Variants in ZNF469 observed in about 807,000 individuals in gnomAD.
ZNF469 encodes zinc finger protein 469.
Under a neutral mutation model 1.0 loss-of-function variants are expected in ZNF469, and 1 was observed. That is an observed-to-expected ratio of 1.00 (90% confidence interval 0.35 to 4.73). The LOEUF is 4.73. Among genes scored for constraint, ZNF469 ranks in the 30% most tolerant of loss-of-function variants. ZNF469 has a pLI of 0.16. For missense variants in ZNF469, 6,100 were observed against 5,356.3 expected, an observed-to-expected ratio of 1.14 and a Z score of -4.33; for synonymous variants, 2,703 against 2,363.4, an observed-to-expected ratio of 1.14 and a Z score of -4.17.
At chr16:88,155,809 C>T in the ZNF469 span, among the ~76,000 whole-genome samples, 4 of 152,160 alleles carry the variant, frequency 2.6e-5, no homozygotes, top group African/African-American at 2.4e-5. Context: ...CTTGGGTGTG[C>T]ACGGAGGAGT....
At chr16:88,246,987 ATGAATGAGTGAGTGAATGAG>A in the ZNF469 span, among the ~76,000 whole-genome samples, 4 of 151,570 alleles carry the variant, frequency 2.6e-5, no homozygotes, top group Non-Finnish European at 4.4e-5. Flanking sequence ...GAGTGAATGA[ATGAATGAGTGAGTGAATGAG>A]TGAATCAATG....
the ZNF469 span, among the ~76,000 whole-genome samples, chr16:88,110,658 A>G: frequency 1.3e-5 from 2 of 152,236 alleles, no homozygotes; most frequent in African/African-American, 2.4e-5. Context: ...GAGAATCATA[A>G]CGTGGTCATT....
upstream of ZNF469, among the ~76,000 whole-genome samples, chr16:88,382,025 A>G (rs1402663236): frequency 6.6e-6 from 1 of 152,256 alleles, no homozygotes; most frequent in African/African-American, 2.4e-5. Context: ...CTGAAGGACT[A>G]ATTCTGAAAG....
chr16:88,206,528 G>T, the ZNF469 span, among the ~76,000 whole-genome samples: 25,456 of 152,016 alleles, frequency 0.17, 2,541 homozygotes, highest in East Asian at 0.29. Flanking sequence ...CTTGTTCAAA[G>T]GCTGCCGATT....
the ZNF469 span, among the ~76,000 whole-genome samples, chr16:88,165,359 C>T: frequency 6.6e-6 from 1 of 152,232 alleles, no homozygotes. Flanking sequence ...AACCTGGTGT[C>T]CCCGATGGCT....
At position 88,437,082 on chromosome 16, in the gene ZNF469, G is replaced by C. The variant is rs1451861889; in HGVS notation, c.9612G>C (p.Arg3204Ser). The C allele has an allele frequency of 1.3e-6, 2 of 1,543,062 alleles. No individual in the cohort carries two copies. The highest frequency in any genetic ancestry group is 1.4e-5 in the African/African-American group (1 of 73,032). ...AGCACGCGGTCCGCTTCGCCCGCAG[G>C]GGGCAGGCGCGGAGGTCCTTGGGGG... ...LREHAVRFAR[R>S]GQARRSLGDL... Residue 3204 changes from arginine (R) to serine (S), a missense_variant, in exon 3 of 3, where the codon AGG (arginine) becomes AGC (serine). By Grantham distance (110) the Arg-to-Ser change is moderately radical. Coordinates refer to ENST00000565624, the MANE Select transcript of ZNF469 (RefSeq NM_001367624.2).
the ZNF469 span, among the ~76,000 whole-genome samples, chr16:88,183,696 C>G: frequency 1.3e-5 from 2 of 152,196 alleles, no homozygotes; most frequent in East Asian, 1.9e-4. Context: ...TGGACACTTA[C>G]CAAGTCGTCG....
At chr16:88,156,798 A>G in the ZNF469 span, among the ~76,000 whole-genome samples, 142,252 of 151,698 alleles carry the variant, frequency 0.94, 66,818 homozygotes, top group African/African-American at 0.96. Context: ...GACCCAGCTG[A>G]CTGTGCAGGC....
chr16:88,276,431 C>G, the ZNF469 span: 2 of 152,164 alleles, frequency 1.3e-5, no homozygotes. Flanking sequence ...CCCCAGCACC[C>G]CCGCCGAGCA....
chr16:88,316,079 C>T, the ZNF469 span, among the ~76,000 whole-genome samples: 1 of 152,208 alleles, frequency 6.6e-6, no homozygotes, highest in Non-Finnish European at 1.5e-5. Flanking sequence ...ACCACAGCCC[C>T]GGGTGGGCAG....
At chr16:88,314,622 G>C in the ZNF469 span, among the ~76,000 whole-genome samples, 6 of 148,658 alleles carry the variant, frequency 4.0e-5, no homozygotes, top group East Asian at 2.0e-4. Context: ...GTCAGTGCTG[G>C]TGTGGACTGT....
chr16:88,391,052 C>T (rs573477592), intron 1 of ZNF469, among the ~76,000 whole-genome samples: 81 of 152,358 alleles, frequency 5.3e-4, no homozygotes, highest in African/African-American at 1.8e-3. Flanking sequence ...GGACCAGCTC[C>T]GGCTGCCGTC....
At chr16:88,124,009 G>C in the ZNF469 span, among the ~76,000 whole-genome samples, 1 of 152,116 alleles carries the variant, frequency 6.6e-6, no homozygotes, top group African/African-American at 2.4e-5. Context: ...CTCCATCTTG[G>C]TCAGGCTGGT....
At position 88,434,438 on chromosome 16, in the gene ZNF469, C is replaced by T; in HGVS notation, c.6968C>T (p.Pro2323Leu). Residue 2323 changes from proline (P) to leucine (L), a missense_variant, in exon 3 of 3, where the codon CCC becomes CTC. Physicochemically the swap from Pro to Leu is moderately conservative, Grantham distance 98. Coordinates refer to ENST00000565624, the MANE Select transcript of ZNF469 (RefSeq NM_001367624.2). The part of the protein sequence containing the change: ...APPHTNPDRM[P>L]RGHSSYSPSN... ...CCCCACACCAACCCTGACAGGATGC[C>T]CAGGGGCCACTCCTCGTATTCTCCA... is the stretch of plus-strand genomic sequence containing the variant. 2 of 1,549,790 alleles carry T rather than the reference C, an allele frequency of 1.3e-6. No homozygotes were observed. The highest frequency in any genetic ancestry group is 1.7e-6 in the Non-Finnish European group (2 of 1,146,938).
chr16:88,437,796 G>C lies in ZNF469; in HGVS notation c.10326G>C (p.Arg3442Ser), dbSNP rs56236932. The C allele has an allele frequency of 0.011, 17,782 of 1,546,350 alleles. 149 individuals are homozygous for C. The highest frequency in any genetic ancestry group is 0.03 in the Middle Eastern group (182 of 5,982). The change falls in exon 3 of 3, where the codon AGG (arginine) becomes AGC (serine). Residue 3442 changes from arginine to serine, a missense_variant. Physicochemically the swap from Arg to Ser is moderately radical, Grantham distance 110 (BLOSUM62 -1). Transcript: ENST00000565624. Reference protein sequence around the residue: ...QFDRHMNKHLRGGRQPFAFRG... With the variant: ...QFDRHMNKHLSGGRQPFAFRG... ...ACCGCCACATGAACAAGCACCTCAG[G>C]GGGGGGCGGCAGCCCTTCGCGTTCC...
the ZNF469 span, among the ~76,000 whole-genome samples, chr16:88,154,052 A>G: frequency 6.6e-6 from 1 of 152,218 alleles, no homozygotes; most frequent in Non-Finnish European, 1.5e-5. Context: ...GGTGTGAATT[A>G]GTGTTTCCAG....
chr16:88,179,200 C>G, the ZNF469 span, among the ~76,000 whole-genome samples: 3 of 152,140 alleles, frequency 2.0e-5, 1 homozygote, highest in South Asian at 6.2e-4. Context: ...AAATGTATCC[C>G]CAGTGTTGGA....
Position 88,439,689 on chromosome 16 carries a change from A to C in ZNF469, c.*357A>C. 6.3e-6 allele frequency: 2 copies of C among 316,040 alleles called. No individual in the cohort carries two copies. The highest frequency in any genetic ancestry group is 6.8e-5 in the South Asian group (2 of 29,358). 19.6% of individuals were successfully genotyped at this position (316,040 alleles called of 1,614,324 possible). On this transcript the variant is annotated 3_prime_UTR_variant, in exon 3 of 3. Coordinates refer to ENST00000565624, the MANE Select transcript of ZNF469 (RefSeq NM_001367624.2). ...CAGAAGCCAATGTTTGGAGATTTGCACAACCTCCCGTTCCCCCACATGGAG... is the reference window on the plus strand; with the variant it reads ...CAGAAGCCAATGTTTGGAGATTTGCCCAACCTCCCGTTCCCCCACATGGAG...
At chr16:88,390,011 G>A (rs1904440847) in intron 1 of ZNF469, among the ~76,000 whole-genome samples, 2 of 152,234 alleles carry the variant, frequency 1.3e-5, no homozygotes, top group Non-Finnish European at 2.9e-5. Flanking sequence ...AGATGACGCT[G>A]TTCGTCCTTG....
Sources: allele counts gnomAD v4.1 joint callset (sites outside exome capture counted in the v4.1 genomes callset), GRCh38; gene constraint gnomAD v4.1.1; transcripts MANE v1.5; gene names NCBI Gene and HGNC (gene_info 2026-07-23, HGNC 2026-07-21).